The following DIP2B variants were observed in gnomAD, a reference collection of about 807,000 sequenced individuals.
The protein encoded by DIP2B is DIP2 acetate--CoA ligase B (putative), also known as disco-interacting protein 2 homolog B.
In DIP2B, 76 loss-of-function variants were observed where a neutral mutation model predicts 198.0. That is an observed-to-expected ratio of 0.38 (90% CI 0.32 to 0.46). DIP2B has a LOEUF of 0.46. DIP2B is among the 20% of genes least tolerant of loss of function. The pLI, the probability that DIP2B is intolerant of heterozygous loss-of-function variation, is 0.99. For synonymous variants in DIP2B, 701 were observed against 739.1 expected (o/e 0.95, Z 0.84); for missense variants, 1,559 against 1,978.4 (o/e 0.79, Z 4.02).
At chr12:50,520,637 G>A (rs1157805840) in intron 1 of DIP2B, among the ~76,000 whole-genome samples, 3 of 152,026 alleles carry the variant, frequency 2.0e-5, no homozygotes, top group Non-Finnish European at 2.9e-5. Context: ...TCCATTTGTC[G>A]GTTCTCTGAG....
At chr12:50,528,723 A>G (rs1193131063) in intron 1 of DIP2B, among the ~76,000 whole-genome samples, 1 of 152,228 alleles carries the variant, frequency 6.6e-6, no homozygotes, top group Non-Finnish European at 1.5e-5. Context: ...AAGAAATGCT[A>G]ACATGGACAG....
intron 37 of DIP2B, among the ~76,000 whole-genome samples, chr12:50,743,958 C>T (rs1477634127): frequency 6.6e-6 from 1 of 152,200 alleles, no homozygotes; most frequent in East Asian, 1.9e-4. Flanking sequence ...GTGCCCTGGG[C>T]TACCCCAGAA....
At chr12:50,676,529 T>TTTTAG (rs1254524610) in intron 7 of DIP2B, among the ~76,000 whole-genome samples, 4 of 152,348 alleles carry the variant, frequency 2.6e-5, no homozygotes, top group African/African-American at 9.6e-5. Flanking sequence ...TTTCCAGTGT[T>TTTTAG]TTTAGCATTG....
chr12:50,613,871 A>G (rs886905363), intron 1 of DIP2B, among the ~76,000 whole-genome samples: 1 of 152,142 alleles, frequency 6.6e-6, no homozygotes, highest in Non-Finnish European at 1.5e-5. Context: ...ATGCCTATAA[A>G]TGTTGGGCCC....
chr12:50,570,641 C>T (rs979928822), intron 1 of DIP2B, among the ~76,000 whole-genome samples: 4 of 152,186 alleles, frequency 2.6e-5, no homozygotes, highest in Non-Finnish European at 5.9e-5. Flanking sequence ...ATCCGGGAGG[C>T]AGAAGTTACA....
chr12:50,681,823 G>C (rs1939046234), intron 9 of DIP2B, among the ~76,000 whole-genome samples: 1 of 152,186 alleles, frequency 6.6e-6, no homozygotes, highest in African/African-American at 2.4e-5. Flanking sequence ...GTGTTTCCTA[G>C]TCCTCCTGAA....
chr12:50,592,170 C>G (rs575191914), intron 1 of DIP2B, among the ~76,000 whole-genome samples: 1 of 152,090 alleles, frequency 6.6e-6, no homozygotes. Flanking sequence ...TGAGCCACTG[C>G]GCCCAGCCGA....
Position 50,719,062 on chromosome 12 carries a change from A to G in DIP2B, c.3042+27A>G, listed in dbSNP as rs771798126. 3.1e-6 allele frequency: 5 copies of G among 1,609,098 alleles called. No homozygotes were observed. In the South Asian group the frequency reaches 5.5e-5, roughly 18 times the overall value. ...TATTAAAAATTCAATGGTATATCTA[A>G]TCAGCTGACTACTATAGGACCATCT... On this transcript the variant is annotated intron_variant, in intron 25 of 37. Coordinates refer to ENST00000301180, the MANE Select transcript of DIP2B (RefSeq NM_173602.3).
chr12:50,741,646 G>C lies in DIP2B; in HGVS notation c.4478+107G>C, dbSNP rs1940246344. ...CCACATACCTACCTTGAAACATAGA[G>C]CTCCATGGGAGGAGTAAGGAAATAG... On this transcript the variant is annotated intron_variant, in intron 37 of 37. Transcript: ENST00000301180. The C allele has an allele frequency of 5.7e-6, 8 of 1,408,144 alleles. No individual in the cohort carries two copies. In the South Asian group the frequency reaches 1.1e-4, roughly 19 times the overall value. The allele number at this position is 1,408,144 out of a possible 1,614,324, so 87.2% of individuals were successfully genotyped here.
intron 27 of DIP2B, among the ~76,000 whole-genome samples, chr12:50,724,033 A>G (rs773154678): frequency 6.6e-6 from 1 of 152,258 alleles, no homozygotes; most frequent in Non-Finnish European, 1.5e-5. Context: ...AGCCTTGGCC[A>G]GTGCTGACAG....
chr12:50,653,609 T>G (rs1237338247), intron 3 of DIP2B, among the ~76,000 whole-genome samples: 1 of 152,056 alleles, frequency 6.6e-6, no homozygotes, highest in Non-Finnish European at 1.5e-5. Flanking sequence ...CCCAAAGTGC[T>G]GAGATTACAG....
intron 1 of DIP2B, among the ~76,000 whole-genome samples, chr12:50,575,085 A>G (rs1431759525): frequency 1.3e-5 from 2 of 151,974 alleles, no homozygotes; most frequent in African/African-American, 2.4e-5. Context: ...TTGCATGATT[A>G]TAGCTAACTT....
At chr12:50,664,836 GTTTTTTTTTTTTTTTTTTT>G (rs1159665939) in intron 4 of DIP2B, among the ~76,000 whole-genome samples, 2 of 15,926 alleles carry the variant, frequency 1.3e-4, no homozygotes, top group African/African-American at 2.9e-4. Context: ...TTTGGTTTTT[GTTTTTTTTTTTTTTTTTTT>G]TTTTTTTTTT....
chr12:50,506,642 T>G (rs1202878416), intron 1 of DIP2B, among the ~76,000 whole-genome samples: 7 of 152,224 alleles, frequency 4.6e-5, no homozygotes, highest in Non-Finnish European at 1.0e-4. Flanking sequence ...AGTTTGTTTC[T>G]GTGAAGTGTT....
intron 19 of DIP2B, among the ~76,000 whole-genome samples, chr12:50,702,389 C>T (rs1195824987): frequency 6.6e-6 from 1 of 151,132 alleles, no homozygotes. Context: ...CATGGTGAAA[C>T]CTTGTGTACT....
chr12:50,550,377 A>T (rs562578281), intron 1 of DIP2B, among the ~76,000 whole-genome samples: 25 of 152,238 alleles, frequency 1.6e-4, no homozygotes, highest in African/African-American at 5.5e-4. Context: ...TGAATTGAGA[A>T]ATTGAAGTAC....
intron 1 of DIP2B, among the ~76,000 whole-genome samples, chr12:50,596,277 A>G (rs1490703152): frequency 6.6e-6 from 1 of 152,184 alleles, no homozygotes; most frequent in Non-Finnish European, 1.5e-5. Flanking sequence ...AAATTGGGAG[A>G]GGGTCTTATG....
chr12:50,598,320 A>T (rs1416237939), intron 1 of DIP2B, among the ~76,000 whole-genome samples: 2 of 152,146 alleles, frequency 1.3e-5, no homozygotes, highest in African/African-American at 4.8e-5. Flanking sequence ...AAAAAAGTTA[A>T]GTAGTTTTAA....
intron 3 of DIP2B, among the ~76,000 whole-genome samples, chr12:50,646,713 T>G (rs368154156): frequency 6.6e-6 from 1 of 152,246 alleles, no homozygotes; most frequent in East Asian, 1.9e-4. Flanking sequence ...TGAGCCACCA[T>G]GCCCGGCCCA....
Sources: allele counts gnomAD v4.1 joint callset (sites outside exome capture counted in the v4.1 genomes callset), GRCh38; gene constraint gnomAD v4.1.1; transcripts MANE v1.5; gene names NCBI Gene and HGNC (gene_info 2026-07-23, HGNC 2026-07-21).